CTNNA3: variants seen among roughly 807,000 people sequenced by gnomAD.
CTNNA3 encodes the protein catenin alpha-3.
In CTNNA3, 76 loss-of-function variants were observed where a neutral mutation model predicts 95.7. The ratio of observed to expected loss-of-function variants is 0.79; its 90% confidence interval spans 0.66 to 0.96. CTNNA3 has a LOEUF of 0.96. Ranked by LOEUF, CTNNA3 falls within the 40% of genes least tolerant of loss-of-function variation. CTNNA3 has a pLI of 0.00. For missense variants in CTNNA3, 1,191 were observed against 1,089.8 expected, an observed-to-expected ratio of 1.09 and a Z score of -1.31; for synonymous variants, 431 against 374.4, an observed-to-expected ratio of 1.15 and a Z score of -1.74.
chr10:67,025,316 T>A (rs543119391), intron 7 of CTNNA3, among the ~76,000 whole-genome samples: 18 of 151,756 alleles, frequency 1.2e-4, no homozygotes, highest in African/African-American at 4.3e-4. Context: ...ATAAGCCTAT[T>A]TTGTAAGCCC....
intron 5 of CTNNA3, among the ~76,000 whole-genome samples, chr10:67,430,341 G>A (rs1846069436): frequency 6.6e-6 from 1 of 151,890 alleles, no homozygotes; most frequent in Admixed American, 6.6e-5. Flanking sequence ...AATCAAGGCA[G>A]TATCACTTCA....
chr10:66,045,075 G>A (rs889360100), intron 15 of CTNNA3, among the ~76,000 whole-genome samples: 2 of 152,132 alleles, frequency 1.3e-5, no homozygotes, highest in Admixed American at 6.5e-5. Context: ...ACTATGCATG[G>A]TACTTTTATA....
At chr10:65,979,536 T>G (rs2078277010) in intron 16 of CTNNA3, among the ~76,000 whole-genome samples, 6 of 152,098 alleles carry the variant, frequency 3.9e-5, no homozygotes, top group Admixed American at 3.3e-4. Flanking sequence ...TCTGGTTATT[T>G]GGAATTTTTG....
At chr10:65,960,636 A>C (rs1285769520) in intron 17 of CTNNA3, among the ~76,000 whole-genome samples, 2 of 152,252 alleles carry the variant, frequency 1.3e-5, no homozygotes, top group African/African-American at 4.8e-5. Context: ...TAGTGAACAT[A>C]GTACCCAACA....
chr10:67,496,085 G>A (rs1030891157), intron 5 of CTNNA3, among the ~76,000 whole-genome samples: 3 of 151,862 alleles, frequency 2.0e-5, no homozygotes, highest in Non-Finnish European at 2.9e-5. Context: ...TTCTTATATC[G>A]AGCACCCTAG....
At chr10:66,646,420 G>A (rs1278626487) in intron 9 of CTNNA3, among the ~76,000 whole-genome samples, 2 of 152,068 alleles carry the variant, frequency 1.3e-5, no homozygotes, top group African/African-American at 4.8e-5. Context: ...CACAGCAATA[G>A]AAGTGTCAAT....
At chr10:66,311,558 T>C (rs1326506816) in intron 12 of CTNNA3, among the ~76,000 whole-genome samples, 1 of 152,232 alleles carries the variant, frequency 6.6e-6, no homozygotes, top group African/African-American at 2.4e-5. Flanking sequence ...GGTGCTTTAC[T>C]TCACTTAGTA....
chr10:67,569,097 C>A (rs138411737), intron 3 of CTNNA3, among the ~76,000 whole-genome samples: 1 of 152,122 alleles, frequency 6.6e-6, no homozygotes, highest in South Asian at 2.1e-4. Context: ...GGAAACATTT[C>A]CATTGAAGAC....
intron 7 of CTNNA3, among the ~76,000 whole-genome samples, chr10:66,866,628 C>T (rs1248467731): frequency 3.3e-5 from 5 of 152,028 alleles, no homozygotes; most frequent in Non-Finnish European, 5.9e-5. Context: ...ACACATCTAC[C>T]AAGAACTCAC....
intron 7 of CTNNA3, among the ~76,000 whole-genome samples, chr10:66,778,883 G>A (rs1473073684): frequency 1.3e-5 from 2 of 152,102 alleles, no homozygotes; most frequent in Non-Finnish European, 2.9e-5. Flanking sequence ...GGCTAAGGCA[G>A]GAGAATTGCT....
intron 3 of CTNNA3, among the ~76,000 whole-genome samples, chr10:67,579,624 G>A (rs12261614): frequency 0.055 from 8,349 of 152,218 alleles, 307 homozygotes; most frequent in South Asian, 0.1. Flanking sequence ...TTGAGGAATC[G>A]CCACACTGTC....
chr10:67,208,978 T>C (rs1864022814), intron 6 of CTNNA3, among the ~76,000 whole-genome samples: 2 of 152,180 alleles, frequency 1.3e-5, no homozygotes, highest in African/African-American at 4.8e-5. Context: ...AAAAGGTACC[T>C]TCCACCAGGA....
chr10:66,756,317 TATATA>T (rs1246002741), intron 9 of CTNNA3, among the ~76,000 whole-genome samples: 1 of 152,186 alleles, frequency 6.6e-6, no homozygotes, highest in Non-Finnish European at 1.5e-5. Context: ...TGGAACGCCA[TATATA>T]ATTTCATAAA....
intron 13 of CTNNA3, among the ~76,000 whole-genome samples, chr10:66,264,696 G>A (rs1158299942): frequency 2.6e-5 from 4 of 151,882 alleles, no homozygotes; most frequent in Admixed American, 6.6e-5. Flanking sequence ...CTACTATATC[G>A]GACAGTGCAG....
chr10:66,483,295 T>G (rs1462151554), intron 11 of CTNNA3, among the ~76,000 whole-genome samples: 1 of 152,172 alleles, frequency 6.6e-6, no homozygotes, highest in South Asian at 2.1e-4. Flanking sequence ...CCTGAGAGAA[T>G]TAAATATCCT....
At chr10:66,796,559 T>G (rs1841199364) in intron 7 of CTNNA3, among the ~76,000 whole-genome samples, 1 of 152,040 alleles carries the variant, frequency 6.6e-6, no homozygotes, top group Non-Finnish European at 1.5e-5. Context: ...AACAGAGGCA[T>G]GAAACGAGTT....
intron 7 of CTNNA3, among the ~76,000 whole-genome samples, chr10:67,124,226 C>T (rs1859599461): frequency 6.6e-6 from 1 of 151,970 alleles, no homozygotes; most frequent in African/African-American, 2.4e-5. Flanking sequence ...ATATGAAATG[C>T]TACTCAAGCT....
At chr10:66,800,752 T>C (rs984196396) in intron 7 of CTNNA3, among the ~76,000 whole-genome samples, 33 of 151,234 alleles carry the variant, frequency 2.2e-4, no homozygotes, top group Admixed American at 1.8e-3. Flanking sequence ...CATTAAGTCC[T>C]TCATAACTTT....
In CTNNA3 at chr10:66,158,284, T is replaced by C. The variant is rs148458299; in HGVS notation, c.1885-55035A>G. ...TTTCCGATGTTATCTTCTATAATTT[T>C]TATAGTTTCAGGTCTTAGGTGTGCA... On this transcript the variant is annotated intron_variant, in intron 13 of 17. Transcript: ENST00000433211. Among the ~76,000 whole-genome samples, 361 of 152,238 alleles carry C rather than the reference T, an allele frequency of 2.4e-3. 1 individual carries two copies. Among genetic ancestry groups the C allele is most frequent in the African/African-American group, 8.3e-3 (344 of 41,568 alleles).
Sources: allele counts gnomAD v4.1 joint callset (sites outside exome capture counted in the v4.1 genomes callset), GRCh38; gene constraint gnomAD v4.1.1; transcripts MANE v1.5; gene names NCBI Gene and HGNC (gene_info 2026-07-23, HGNC 2026-07-21).